The following NHSL2 variants were observed in gnomAD, a reference collection of about 807,000 sequenced individuals.
NHSL2 encodes the protein NHS like 2.
Under a neutral mutation model 53.4 loss-of-function variants are expected in NHSL2, and 27 were observed. That is an observed-to-expected ratio of 0.51 (90% CI 0.37 to 0.70). The LOEUF is 0.70. Among genes scored for constraint, NHSL2 ranks in the 30% least tolerant of loss-of-function variants. The pLI is 0.00. For synonymous variants in NHSL2, 408 were observed against 404.1 expected (o/e 1.01, Z -0.12); for missense variants, 892 against 980.1 (o/e 0.91, Z 1.20).
At chrX:72,027,431 G>A (rs757793030) in intron 1 of NHSL2, 5 of 111,743 alleles carry the variant, frequency 4.5e-5, no homozygotes, top group South Asian at 3.8e-4. Context: ...AGTCAGAGCC[G>A]CGGGGATCAG....
At chrX:71,981,536 C>CAA (rs140961615) in intron 1 of NHSL2, among the ~76,000 whole-genome samples, 12,314 of 66,206 alleles carry the variant, frequency 0.19, 2,406 homozygotes, top group African/African-American at 0.52. Context: ...GACTCTGTCT[C>CAA]AAAAAAAAAA....
At position 72,140,154 on chromosome X, in the gene NHSL2, C is replaced by G; in HGVS notation, c.2606C>G (p.Pro869Arg). ...VFTLPERKTK[P>R]PVAEKPPVAR... ...ACCTTGCCAGAGAGAAAGACAAAAC[C>G]TCCCGTAGCTGAGAAGCCTCCGGTG... Residue 869 changes from proline (P) to arginine (R), a missense_variant, in exon 6 of 8, where the codon CCT becomes CGT. Physicochemically the swap from Pro to Arg is moderately radical, Grantham distance 103 (BLOSUM62 -2). Coordinates refer to ENST00000633930, the MANE Select transcript of NHSL2 (RefSeq NM_001013627.3). The G allele has an allele frequency of 8.3e-7, 1 of 1,210,948 alleles. No individual in the cohort carries two copies. The highest frequency in any genetic ancestry group is 3.0e-5 in the East Asian group (1 of 33,808).
At position 72,149,030 on chromosome X, in the gene NHSL2, A is replaced by G. The variant is rs1170332504; in HGVS notation, c.*5456A>G. On this transcript the variant is annotated 3_prime_UTR_variant, in exon 8 of 8. Transcript: ENST00000633930. Reference sequence around the variant, plus strand: ...GTATATTGTTATCTTGGTCAGGCATATGTTTGCTTGGTTTTAAGAAATTAT... The same window carrying G: ...GTATATTGTTATCTTGGTCAGGCATGTGTTTGCTTGGTTTTAAGAAATTAT... The G allele has an allele frequency of 9.1e-6, 1 of 110,216 alleles. No individual in the cohort carries two copies. Among genetic ancestry groups the G allele is most frequent in the African/African-American group, 3.3e-5 (1 of 30,221 alleles). The allele number at this position is 110,216 out of a possible 1,213,427, so 9.1% of individuals were successfully genotyped here. A position where few individuals can be genotyped will look rare whatever the true frequency, so the allele number is the denominator to read the frequency against.
At chrX:72,129,899 G>T (rs267606504) in intron 1 of NHSL2, 4 of 1,208,756 alleles carry the variant, frequency 3.3e-6, no homozygotes, top group Admixed American at 2.2e-5. Flanking sequence ...AAAAGCACAG[G>T]GGGGCGTCTT....
chrX:71,925,225 A>G (rs1406927748), intron 1 of NHSL2, among the ~76,000 whole-genome samples: 1 of 111,682 alleles, frequency 9.0e-6, no homozygotes, highest in Non-Finnish European at 1.9e-5. Context: ...TGCCTGCAAT[A>G]GGATATACCA....
At chrX:71,931,557 TC>T (rs1198039900) in intron 1 of NHSL2, among the ~76,000 whole-genome samples, 1 of 112,460 alleles carries the variant, frequency 8.9e-6, no homozygotes, top group Non-Finnish European at 1.9e-5. Context: ...GAAGTAGTGG[TC>T]CAACTTCATT....
rs182915847 is a variant in NHSL2 at position 71,917,558 on chromosome X, A to G, written c.280+6191A>G. On this transcript the variant is annotated intron_variant, in intron 1 of 7. Transcript: ENST00000633930. ...TCTGGGGGTACAGAGTAGAACTAGG[A>G]TGCAGGCCCACAGTCCAGTGGGGAG... is the stretch of plus-strand genomic sequence containing the variant. Among the ~76,000 whole-genome samples, 181 of 110,245 alleles carry G rather than the reference A, an allele frequency of 1.6e-3. 1 individual carries two copies. Among genetic ancestry groups the G allele is most frequent in the African/African-American group, 5.8e-3 (176 of 30,215 alleles).
At chrX:72,131,322 G>A in intron 1 of NHSL2, 1 of 1,201,966 alleles carries the variant, frequency 8.3e-7, no homozygotes, top group Non-Finnish European at 1.1e-6. Flanking sequence ...CGATCTCACT[G>A]AGCGCGAACT....
chrX:72,051,777 C>T (rs2042341762), intron 1 of NHSL2, among the ~76,000 whole-genome samples: 1 of 111,525 alleles, frequency 9.0e-6, no homozygotes, highest in Non-Finnish European at 1.9e-5. Flanking sequence ...CTTCCACTTG[C>T]GGGTCTCTCT....
In NHSL2 at chrX:72,152,355, G is replaced by GCA. The variant is rs1569485696; in HGVS notation, c.*8782_*8783insAC. On this transcript the variant is annotated 3_prime_UTR_variant, in exon 8 of 8. Transcript: ENST00000633930. ...CATACATGCGTGTGTGCATGCGCGCGCGCACACACACACACACACACACAC... is the reference window on the plus strand; with the variant it reads ...CATACATGCGTGTGTGCATGCGCGCGCACGCACACACACACACACACACACAC... 1 of 1,430 alleles carries GCA rather than the reference G, an allele frequency of 7.0e-4. No homozygotes were observed. Among genetic ancestry groups the GCA allele is most frequent in the African/African-American group, 8.0e-4 (1 of 1,248 alleles). 0.1% of individuals were successfully genotyped at this position (1,430 alleles called of 1,213,427 possible).
chrX:72,021,723 G>A (rs1438336144), intron 1 of NHSL2, among the ~76,000 whole-genome samples: 1 of 111,593 alleles, frequency 9.0e-6, no homozygotes, highest in Non-Finnish European at 1.9e-5. Context: ...ATGGGACTGA[G>A]GCTGGAAACT....
intron 1 of NHSL2, among the ~76,000 whole-genome samples, chrX:72,118,887 A>G (rs1198920766): frequency 9.0e-6 from 1 of 111,649 alleles, no homozygotes; most frequent in African/African-American, 3.3e-5. Flanking sequence ...GTTTCCTTCT[A>G]TGTTTTATAG....
Position 72,147,840 on chromosome X carries a change from C to T in NHSL2, c.*4266C>T, listed in dbSNP as rs1274446551. On this transcript the variant is annotated 3_prime_UTR_variant, in exon 8 of 8. Transcript: ENST00000633930. The stretch of plus-strand genomic sequence containing the variant: ...TTGAGATTATAAGGCTTAATGCTAC[C>T]TCTTTTGAGGGTCAGTTGCATTTTA... 1 of 112,224 alleles carries T rather than the reference C, an allele frequency of 8.9e-6. No homozygotes were observed. Among genetic ancestry groups the T allele is most frequent in the Non-Finnish European group, 1.9e-5 (1 of 53,263 alleles). 9.2% of individuals were successfully genotyped at this position (112,224 alleles called of 1,213,427 possible).
intron 1 of NHSL2, among the ~76,000 whole-genome samples, chrX:72,058,504 C>G (rs927364689): frequency 4.5e-5 from 5 of 111,543 alleles, no homozygotes; most frequent in Admixed American, 9.4e-5. Context: ...GCCACCACGC[C>G]CAGCTAATTT....
chrX:71,926,228 A>G (rs1045463666), intron 1 of NHSL2, among the ~76,000 whole-genome samples: 1 of 112,084 alleles, frequency 8.9e-6, no homozygotes, highest in African/African-American at 3.2e-5. Context: ...GAGAAATGAA[A>G]AAAATAGACT....
rs1261658248 is a variant in NHSL2 at position 72,152,376 on chromosome X, C to T, written c.*8802C>T. 4.7e-5 allele frequency: 5 copies of T among 107,273 alleles called. No individual in the cohort carries two copies. The highest frequency in any genetic ancestry group is 7.8e-5 in the Non-Finnish European group (4 of 51,250). 8.8% of individuals were successfully genotyped at this position (107,273 alleles called of 1,213,427 possible). A position where few individuals can be genotyped will look rare whatever the true frequency, so the allele number is the denominator to read the frequency against. On this transcript the variant is annotated 3_prime_UTR_variant, in exon 8 of 8. Coordinates refer to ENST00000633930, the MANE Select transcript of NHSL2 (RefSeq NM_001013627.3). ...GCGCGCGCACACACACACACACACACACACACACACACACAGTCCAGCACC... is the reference window on the plus strand; with the variant it reads ...GCGCGCGCACACACACACACACACATACACACACACACACAGTCCAGCACC...
At chrX:72,114,386 G>A (rs757262430) in intron 1 of NHSL2, among the ~76,000 whole-genome samples, 15 of 111,823 alleles carry the variant, frequency 1.3e-4, no homozygotes, top group East Asian at 5.6e-4. Context: ...CCGAGCCCAC[G>A]AGAGAGCATA....
intron 1 of NHSL2, among the ~76,000 whole-genome samples, chrX:71,979,588 A>C (rs1334367919): frequency 1.8e-5 from 2 of 111,550 alleles, no homozygotes; most frequent in African/African-American, 3.3e-5. Context: ...CATATCCTTC[A>C]CCCACTTTTT....
At chrX:72,019,469 C>G (rs1315935943) in intron 1 of NHSL2, among the ~76,000 whole-genome samples, 1 of 112,141 alleles carries the variant, frequency 8.9e-6, no homozygotes, top group East Asian at 2.8e-4. Context: ...GATTTAGTCA[C>G]CACACACTAG....
Sources: gnomAD v4.1 joint callset for allele counts (sites outside exome capture counted in the v4.1 genomes callset) on GRCh38, gnomAD v4.1.1 for gene constraint, MANE v1.5 for transcripts, NCBI Gene and HGNC (gene_info 2026-07-23, HGNC 2026-07-21) for gene names.